The following SFRP4 variants were observed in gnomAD, a reference collection of about 807,000 sequenced individuals.
SFRP4 encodes secreted frizzled related protein 4, also known as secreted frizzled-related protein 4.
SFRP4 carries 25 observed loss-of-function variants against 36.3 expected under a neutral mutation model. The observed-to-expected ratio is 0.69, with a 90% confidence interval of 0.50 to 0.96. SFRP4 has a LOEUF of 0.96. Among genes scored for constraint, SFRP4 ranks in the 40% least tolerant of loss-of-function variants. The probability of loss-of-function intolerance (pLI) is 0.00; values close to 1 mark genes in which losing one functional copy is unlikely to be tolerated. For synonymous variants in SFRP4, 182 were observed against 168.8 expected (o/e 1.08, Z -0.60); for missense variants, 487 against 459.6 (o/e 1.06, Z -0.54).
chr7:37,908,578 C>T (rs1007136767), intron 5 of SFRP4, among the ~76,000 whole-genome samples: 1 of 152,196 alleles, frequency 6.6e-6, no homozygotes, highest in Non-Finnish European at 1.5e-5. Context: ...GGAAAATATG[C>T]TGCCAAACTG....
intron 4 of SFRP4, among the ~76,000 whole-genome samples, 173 bp downstream of exon 4, chr7:37,911,946 T>TCATATTTTGATTTTTCCTTCATTCA (rs2131987767): frequency 9.9e-6 from 1 of 100,826 alleles, no homozygotes; most frequent in Admixed American, 1.0e-4. Context: ...TCCTTCATTC[T>TCATATTTTGATTTTTCCTTCATTCA]ATGAAGAATT....
Position 37,912,277 on chromosome 7 carries a change from G to A in SFRP4, c.633C>T (p.Cys211=), listed in dbSNP as rs199701204. 4.3e-6 allele frequency: 7 copies of A among 1,614,130 alleles called. No homozygotes were observed. In the African/African-American group the frequency reaches 5.3e-5, roughly 12 times the overall value. The change falls in exon 4 of 6, where the codon TGC becomes TGT. Residue 211 remains cysteine (C), a synonymous_variant. Transcript: ENST00000436072. ...AKIKAVQRSG[C]NEVTTVVDVK... ...CATCCACCACCGTTGTGACCTCATT[G>A]CAGCCACTCCTCTGCACAGCTTTTA...
At position 37,916,765 on chromosome 7, in the gene SFRP4, G is replaced by A; in HGVS notation, c.-228C>T. 1 of 648,568 alleles carries A rather than the reference G, an allele frequency of 1.5e-6. No individual in the cohort carries two copies. The highest frequency in any genetic ancestry group is 2.6e-6 in the Non-Finnish European group (1 of 384,100). 40.2% of individuals were successfully genotyped at this position (648,568 alleles called of 1,614,324 possible). A position where few individuals can be genotyped will look rare whatever the true frequency, so the allele number is the denominator to read the frequency against. On this transcript the variant is annotated 5_prime_UTR_variant, in exon 1 of 6. Coordinates refer to ENST00000436072, the MANE Select transcript of SFRP4 (RefSeq NM_003014.4). The surrounding 1 kb of genome is among the most constrained non-coding windows in gnomAD (Gnocchi z 4.1). ...AGCGCCAGCTCTCAGCCTTCGGGGCGCGAACCCGCCCGGGCAGCTCCAGTC... is the reference window on the plus strand; with the variant it reads ...AGCGCCAGCTCTCAGCCTTCGGGGCACGAACCCGCCCGGGCAGCTCCAGTC...
chr7:37,912,056 C>A, intron 4 of SFRP4, 63 bp downstream of exon 4: 1 of 1,285,050 alleles, frequency 7.8e-7, no homozygotes, highest in Non-Finnish European at 1.1e-6. Flanking sequence ...ACCATGACTG[C>A]TAACTGAGAT....
intron 5 of SFRP4, 60 bp downstream of exon 5, chr7:37,909,557 C>G (rs1785449288): frequency 3.1e-6 from 3 of 973,160 alleles, no homozygotes. Flanking sequence ...TTCCCCAACT[C>G]TAAAGAAATC....
At chr7:37,911,785 G>T (rs536134968) in intron 4 of SFRP4, among the ~76,000 whole-genome samples, 1 of 152,238 alleles carries the variant, frequency 6.6e-6, no homozygotes, top group African/African-American at 2.4e-5. Flanking sequence ...GGCCTTAAAA[G>T]TTCAGTATGT....
chr7:37,908,684 A>G (rs1785435729), intron 5 of SFRP4, among the ~76,000 whole-genome samples: 2 of 150,956 alleles, frequency 1.3e-5, no homozygotes, highest in Admixed American at 1.3e-4. Flanking sequence ...CTTCTAATCT[A>G]CTGTAGTCCT....
At chr7:37,914,887 A>C (rs1471000261) in intron 1 of SFRP4, among the ~76,000 whole-genome samples, 2 of 152,154 alleles carry the variant, frequency 1.3e-5, no homozygotes, top group Non-Finnish European at 2.9e-5. Context: ...CAAGACAAAA[A>C]ATATTTATAT....
Position 37,916,666 on chromosome 7 carries a change from A to C in SFRP4, c.-129T>G. On this transcript the variant is annotated 5_prime_UTR_variant, in exon 1 of 6. Coordinates refer to ENST00000436072, the MANE Select transcript of SFRP4 (RefSeq NM_003014.4). The surrounding 1 kb of genome is among the most constrained non-coding windows in gnomAD (Gnocchi z 4.1). ...GGCGCAGGAGAGTTTCTTCCCCCAAACTCCAGTCGGCAGCAAAGCGGGGCC... is the reference window on the plus strand; with the variant it reads ...GGCGCAGGAGAGTTTCTTCCCCCAACCTCCAGTCGGCAGCAAAGCGGGGCC... 1.6e-5 allele frequency: 21 copies of C among 1,344,740 alleles called. No individual in the cohort carries two copies. Among genetic ancestry groups the C allele is most frequent in the South Asian group, 4.5e-5 (3 of 66,134 alleles). 83.3% of individuals were successfully genotyped at this position (1,344,740 alleles called of 1,614,324 possible). A position where few individuals can be genotyped will look rare whatever the true frequency, so the allele number is the denominator to read the frequency against.
rs1785403075 is a variant in SFRP4 at position 37,906,863 on chromosome 7, A to G, written c.*616T>C. The G allele has an allele frequency of 6.6e-6, 1 of 152,148 alleles. No homozygotes were observed. The highest frequency in any genetic ancestry group is 6.6e-5 in the Admixed American group (1 of 15,260). The allele number at this position is 152,148 out of a possible 1,614,324, so 9.4% of individuals were successfully genotyped here. Reference sequence around the variant, plus strand: ...TTGTTTTTAGAGTTTCTAGCTAAAAACAGAGCTGAAGTCATTGTAAAAAAG... The same window carrying G: ...TTGTTTTTAGAGTTTCTAGCTAAAAGCAGAGCTGAAGTCATTGTAAAAAAG... On this transcript the variant is annotated 3_prime_UTR_variant, in exon 6 of 6. Coordinates refer to ENST00000436072, the MANE Select transcript of SFRP4 (RefSeq NM_003014.4).
intron 4 of SFRP4, among the ~76,000 whole-genome samples, chr7:37,910,668 G>A (rs1785473446): frequency 6.6e-6 from 1 of 151,950 alleles, no homozygotes. Context: ...CCATTTGAAA[G>A]TTATTGTAAA....
At position 37,909,640 on chromosome 7, in the gene SFRP4, C is replaced by T; in HGVS notation, c.832G>A (p.Asp278Asn). 6.3e-7 allele frequency: 1 copy of T among 1,581,324 alleles called. No homozygotes were observed. The highest frequency in any genetic ancestry group is 2.3e-5 in the East Asian group (1 of 43,228). ...ACTATGGATCTTTTACTAAGCTGAT[C>T]TCTCCATTTTTCAACTAAGCAATTT... ...LENCLVEKWRDQLSKRSIQWE... is the reference protein window; with the variant it reads ...LENCLVEKWRNQLSKRSIQWE... The change falls in exon 5 of 6, where the codon GAT becomes AAT. Residue 278 changes from aspartate to asparagine, a missense_variant. Coordinates refer to ENST00000436072, the MANE Select transcript of SFRP4 (RefSeq NM_003014.4).
chr7:37,916,723 G>T lies in SFRP4; in HGVS notation c.-186C>A. On this transcript the variant is annotated 5_prime_UTR_variant, in exon 1 of 6. Transcript: ENST00000436072. This position sits in a 1 kb window ranked among gnomAD's most constrained non-coding sequence, Gnocchi z 4.1. ...TCCGGCCGCGGAGCTCCGCCGTCTG[G>T]CACACAGGGCACGAGCAGCGCCAGC... is the stretch of plus-strand genomic sequence containing the variant. The T allele has an allele frequency of 1.2e-6, 1 of 849,638 alleles. No individual in the cohort carries two copies. Among genetic ancestry groups the T allele is most frequent in the Non-Finnish European group, 1.8e-6 (1 of 564,082 alleles). The allele number at this position is 849,638 out of a possible 1,614,324, so 52.6% of individuals were successfully genotyped here.
At chr7:37,908,167 G>T (rs2598115) in intron 5 of SFRP4, among the ~76,000 whole-genome samples, 32,690 of 152,082 alleles carry the variant, frequency 0.21, 3,883 homozygotes, top group South Asian at 0.4. Context: ...CACATCCAAA[G>T]GAAGACAGAG....
chr7:37,911,497 A>G (rs1220473993), intron 4 of SFRP4, among the ~76,000 whole-genome samples: 4 of 152,094 alleles, frequency 2.6e-5, no homozygotes, highest in African/African-American at 7.3e-5. Context: ...CAAAAAAAAT[A>G]AGAAAGAAAG....
Position 37,907,491 on chromosome 7 carries a change from C to G in SFRP4, c.1029G>C (p.Pro343=). The change falls in exon 6 of 6, where the codon CCG becomes CCC. Residue 343 remains proline, a synonymous_variant. Coordinates refer to ENST00000436072, the MANE Select transcript of SFRP4 (RefSeq NM_003014.4). ...GAAACTAGTTAGCTCACACTCTTTT[C>G]GGGTTTGTTCTCTTCTGGGCACTCC... ...KTRSAQKRTN[P]KRV The G allele has an allele frequency of 6.2e-7, 1 of 1,612,708 alleles. No homozygotes were observed. The highest frequency in any genetic ancestry group is 8.5e-7 in the Non-Finnish European group (1 of 1,179,488).
rs1244444250 is a variant in SFRP4, at chr7:37,914,365, G to T, written c.526+8C>A. 9 of 1,612,728 alleles carry T rather than the reference G, an allele frequency of 5.6e-6. 1 individual carries two copies. The highest frequency in any genetic ancestry group is 5.9e-6 in the Non-Finnish European group (7 of 1,178,820). ...AGTAGAGGGAACGTCCATGAAGAAA[G>T]AACTCACCGGGGCTTAGGCGTTTAC... On this transcript the variant is annotated splice_region_variant and intron_variant, in intron 2 of 5. Transcript: ENST00000436072.
Position 37,911,983 on chromosome 7 carries a change from C to G in SFRP4, c.791+136G>C. 1.1e-5 allele frequency: 6 copies of G among 555,862 alleles called. No individual in the cohort carries two copies. The South Asian group carries it at 1.1e-4, about 10-fold the overall frequency. The allele number at this position is 555,862 out of a possible 1,614,324, so 34.4% of individuals were successfully genotyped here. On this transcript the variant is annotated intron_variant, in intron 4 of 5. Coordinates refer to ENST00000436072, the MANE Select transcript of SFRP4 (RefSeq NM_003014.4). The stretch of plus-strand genomic sequence containing the variant: ...ATTGATAGAATATATGCTATTCAAA[C>G]AGAGGCATCTGTTAAACTAATTTTT...
Position 37,906,796 on chromosome 7 carries a change from T to C in SFRP4, c.*683A>G, listed in dbSNP as rs1785402129. The C allele has an allele frequency of 6.6e-6, 1 of 152,214 alleles. No individual in the cohort carries two copies. Among genetic ancestry groups the C allele is most frequent in the African/African-American group, 2.4e-5 (1 of 41,450 alleles). 9.4% of individuals were successfully genotyped at this position (152,214 alleles called of 1,614,324 possible). On this transcript the variant is annotated 3_prime_UTR_variant, in exon 6 of 6. Coordinates refer to ENST00000436072, the MANE Select transcript of SFRP4 (RefSeq NM_003014.4). ...AACCAAAAAACAGGAATCCAGACATTGTCTGCCTCTCCTTTTTATTTATTT... is the reference window on the plus strand; with the variant it reads ...AACCAAAAAACAGGAATCCAGACATCGTCTGCCTCTCCTTTTTATTTATTT...
Sources: gnomAD v4.1 joint callset for allele counts (sites outside exome capture counted in the v4.1 genomes callset) on GRCh38, gnomAD v4.1.1 for gene constraint, Gnocchi (gnomAD v3.1) non-coding constraint, MANE v1.5 for transcripts, NCBI Gene and HGNC (gene_info 2026-07-23, HGNC 2026-07-21) for gene names.